VSTM5: variants seen among roughly 807,000 people sequenced by gnomAD.
The protein encoded by VSTM5 is V-set and transmembrane domain-containing protein 5.
Under a neutral mutation model 20.3 loss-of-function variants are expected in VSTM5, and 21 were observed. The ratio of observed to expected loss-of-function variants is 1.03; its 90% CI spans 0.73 to 1.49. The LOEUF is 1.49. Ranked by LOEUF, VSTM5 falls within the 40% of genes most tolerant of loss-of-function variation. The probability of loss-of-function intolerance (pLI) is 0.00; values close to 1 mark genes in which losing one functional copy is unlikely to be tolerated. For missense variants in VSTM5, 219 were observed against 250.0 expected, an observed-to-expected ratio of 0.88 and a Z score of 0.84; for synonymous variants, 100 against 102.5, an observed-to-expected ratio of 0.98 and a Z score of 0.14.
intron 1 of VSTM5, among the ~76,000 whole-genome samples, chr11:93,844,066 G>A (rs1481302687): frequency 6.6e-6 from 1 of 152,228 alleles, no homozygotes; most frequent in Non-Finnish European, 1.5e-5. Flanking sequence ...TAGAAAGTGT[G>A]GCAGGTATCA....
chr11:93,823,989 C>T (rs1465852324), intron 1 of VSTM5, among the ~76,000 whole-genome samples: 1 of 151,746 alleles, frequency 6.6e-6, no homozygotes, highest in Non-Finnish European at 1.5e-5. Flanking sequence ...CTCACTGCAA[C>T]CTCTGCCTCC....
intron 1 of VSTM5, among the ~76,000 whole-genome samples, chr11:93,837,987 G>C (rs547966012): frequency 4.5e-4 from 68 of 151,614 alleles, no homozygotes; most frequent in African/African-American, 1.5e-3. Context: ...AGGAGGGCAA[G>C]ATGCAGGGGG....
chr11:93,844,052 C>G (rs905431256), intron 1 of VSTM5, among the ~76,000 whole-genome samples: 6 of 152,226 alleles, frequency 3.9e-5, no homozygotes, highest in African/African-American at 1.4e-4. Context: ...CCCATCTCCC[C>G]TGTTAGAAAG....
At chr11:93,840,468 A>G (rs960655647) in intron 1 of VSTM5, among the ~76,000 whole-genome samples, 5 of 152,242 alleles carry the variant, frequency 3.3e-5, no homozygotes, top group Admixed American at 6.5e-5. Context: ...TACAGCAGGC[A>G]CAACGCCTGA....
chr11:93,849,073 G>T (rs1944436523), intron 1 of VSTM5, among the ~76,000 whole-genome samples: 1 of 152,150 alleles, frequency 6.6e-6, no homozygotes, highest in African/African-American at 2.4e-5. Context: ...GAGGTGTAAA[G>T]GTCAAAAATG....
At chr11:93,842,546 GAC>G (rs1276887799) in intron 1 of VSTM5, among the ~76,000 whole-genome samples, 1 of 152,238 alleles carries the variant, frequency 6.6e-6, no homozygotes, top group Non-Finnish European at 1.5e-5. Context: ...AGCAAGGCAT[GAC>G]AGCAGCCACT....
At chr11:93,844,092 C>T (rs866889398) in intron 1 of VSTM5, among the ~76,000 whole-genome samples, 5 of 152,156 alleles carry the variant, frequency 3.3e-5, no homozygotes, top group South Asian at 2.1e-4. Flanking sequence ...TGCTTATGTC[C>T]GAATCACCAG....
chr11:93,836,654 C>T (rs1334027508), intron 1 of VSTM5, among the ~76,000 whole-genome samples: 1 of 152,212 alleles, frequency 6.6e-6, no homozygotes, highest in Non-Finnish European at 1.5e-5. Context: ...CAGGTCTCTT[C>T]TTGTATGTTT....
At chr11:93,827,080 T>C (rs1944244528) in intron 1 of VSTM5, among the ~76,000 whole-genome samples, 1 of 152,030 alleles carries the variant, frequency 6.6e-6, no homozygotes, top group Admixed American at 6.6e-5. Flanking sequence ...CACATATAAT[T>C]AGGAATAAAT....
intron 1 of VSTM5, among the ~76,000 whole-genome samples, chr11:93,824,806 C>T (rs1176652394): frequency 2.6e-5 from 4 of 152,170 alleles, no homozygotes; most frequent in Non-Finnish European, 5.9e-5. Context: ...TCAGGTCTTA[C>T]ATTTAAGTGT....
chr11:93,826,926 CTG>C (rs1565300067), intron 1 of VSTM5, among the ~76,000 whole-genome samples: 1 of 151,980 alleles, frequency 6.6e-6, no homozygotes, highest in Non-Finnish European at 1.5e-5. Context: ...TTTCATATTA[CTG>C]TGGTCAGGAA....
chr11:93,842,992 G>A (rs1424711942), intron 1 of VSTM5, among the ~76,000 whole-genome samples: 1 of 152,020 alleles, frequency 6.6e-6, no homozygotes, highest in African/African-American at 2.4e-5. Context: ...TCAGGAGGCA[G>A]AGGCAGGAGA....
At position 93,820,386 on chromosome 11, in the gene VSTM5, A is replaced by G; in HGVS notation, c.*183T>C. 1 of 641,798 alleles carries G rather than the reference A, an allele frequency of 1.6e-6. No individual in the cohort carries two copies. Among genetic ancestry groups the G allele is most frequent in the Non-Finnish European group, 2.7e-6 (1 of 371,726 alleles). The allele number at this position is 641,798 out of a possible 1,614,324, so 39.8% of individuals were successfully genotyped here. On this transcript the variant is annotated 3_prime_UTR_variant, in exon 4 of 4. Coordinates refer to ENST00000409977, the MANE Select transcript of VSTM5 (RefSeq NM_001144871.2). ...TCTCCTTGAACTTAGCGCGAGTCCT[A>G]ATACTAGCTTTGTCCCATCCACAGT...
chr11:93,824,965 G>A lies in VSTM5; in HGVS notation c.92-3642C>T, dbSNP rs117550531. Reference sequence around the variant, plus strand: ...TTCTTGGCACTTTAGTCAAATATTAGTTGACCATATATAAGTGCCTTTGTT... The same window carrying A: ...TTCTTGGCACTTTAGTCAAATATTAATTGACCATATATAAGTGCCTTTGTT... On this transcript the variant is annotated intron_variant, in intron 1 of 3. Coordinates refer to ENST00000409977, the MANE Select transcript of VSTM5 (RefSeq NM_001144871.2). Among the ~76,000 whole-genome samples, 272 of 152,304 alleles carry A rather than the reference G, an allele frequency of 1.8e-3. 2 individuals carry two copies. The highest frequency in any genetic ancestry group is 0.017 in the East Asian group (86 of 5,194).
At chr11:93,844,475 C>T (rs1020866234) in intron 1 of VSTM5, among the ~76,000 whole-genome samples, 5 of 152,144 alleles carry the variant, frequency 3.3e-5, no homozygotes, top group African/African-American at 7.2e-5. Flanking sequence ...ACCTTTCACC[C>T]AAGATGCAAA....
intron 1 of VSTM5, among the ~76,000 whole-genome samples, chr11:93,843,668 A>G (rs1284422625): frequency 2.6e-5 from 4 of 152,168 alleles, no homozygotes; most frequent in Non-Finnish European, 2.9e-5. Context: ...GTTATTTATT[A>G]AGTTATAAAA....
intron 1 of VSTM5, 46 bp from the exon 2 acceptor site, chr11:93,821,369 T>C (rs1591395874): frequency 6.8e-7 from 1 of 1,463,050 alleles, no homozygotes; most frequent in East Asian, 2.5e-5. Context: ...TATGGCTTTA[T>C]ACTGAAGTGA....
At chr11:93,832,773 A>G (rs574141769) in intron 1 of VSTM5, among the ~76,000 whole-genome samples, 5 of 152,350 alleles carry the variant, frequency 3.3e-5, no homozygotes, top group Non-Finnish European at 5.9e-5. Context: ...TGAGAAAACT[A>G]AGGCTCAGAG....
intron 1 of VSTM5, among the ~76,000 whole-genome samples, chr11:93,839,386 G>A (rs951976787): frequency 6.6e-6 from 1 of 152,194 alleles, no homozygotes; most frequent in Non-Finnish European, 1.5e-5. Context: ...GAGAGGCCTG[G>A]CACCTCTGCC....
Sources: gnomAD v4.1 joint callset for allele counts (sites outside exome capture counted in the v4.1 genomes callset) on GRCh38, gnomAD v4.1.1 for gene constraint, MANE v1.5 for transcripts, NCBI Gene and HGNC (gene_info 2026-07-23, HGNC 2026-07-21) for gene names.